Variants in RPP30 observed in about 807,000 individuals in gnomAD.
The protein encoded by RPP30 is ribonuclease P protein subunit p30.
Under a neutral mutation model 38.6 loss-of-function variants are expected in RPP30, and 36 were observed. That is an observed-to-expected ratio of 0.93 (90% confidence interval 0.71 to 1.23). The LOEUF (loss-of-function observed/expected upper bound fraction) is 1.23, where lower values mean the gene tolerates loss of function less well. Among genes scored for constraint, RPP30 ranks in the 50% most tolerant of loss-of-function variants. The pLI, the probability that RPP30 is intolerant of heterozygous loss-of-function variation, is 0.00. For synonymous variants in RPP30, 126 were observed against 112.7 expected (o/e 1.12, Z -0.75); for missense variants, 321 against 321.7 (o/e 1.00, Z 0.02).
intron 8 of RPP30, 105 bp from the exon 9 acceptor site, chr10:90,895,775 A>C: frequency 1.2e-6 from 1 of 838,570 alleles, no homozygotes; most frequent in Non-Finnish European, 1.8e-6. Flanking sequence ...AAATTTATGT[A>C]ATTTTTTTAT....
chr10:90,904,033 G>T (rs549131470), downstream of RPP30, among the ~76,000 whole-genome samples: 149 of 152,104 alleles, frequency 9.8e-4, no homozygotes, highest in African/African-American at 3.5e-3. Context: ...TTGTTTTCTT[G>T]TTTATGTATT....
downstream of RPP30, chr10:90,903,359 C>A: frequency 1.3e-6 from 1 of 775,784 alleles, no homozygotes; most frequent in South Asian, 1.7e-5. Context: ...GACGTCCCAC[C>A]TTAATTTATG....
Position 90,885,882 on chromosome 10 carries a change from A to G in RPP30, c.413A>G (p.Lys138Arg), listed in dbSNP as rs746630320. The G allele has an allele frequency of 8.7e-6, 14 of 1,602,458 alleles. No homozygotes were observed. The highest frequency in any genetic ancestry group is 3.3e-4 in the Middle Eastern group (2 of 6,062). ...ACAGAGAAACTACCATTTTACTTCA[A>G]AAGACCTCCTATTAATGTGGTAAGT... is the stretch of plus-strand genomic sequence containing the variant. ...TVTEKLPFYF[K>R]RPPINVAIDR... The change falls in exon 6 of 11, where the codon AAA becomes AGA. Residue 138 changes from lysine to arginine, a missense_variant. By Grantham distance (26) the Lys-to-Arg change is conservative. Transcript: ENST00000371703.
At chr10:90,884,200 A>AT (rs1235506475) in intron 5 of RPP30, among the ~76,000 whole-genome samples, 1 of 152,188 alleles carries the variant, frequency 6.6e-6, no homozygotes, top group Non-Finnish European at 1.5e-5. Context: ...TGTAGGGTAT[A>AT]TAGCTACGTA....
chr10:90,905,555 C>T (rs1168333212), downstream of RPP30: 2 of 152,214 alleles, frequency 1.3e-5, no homozygotes, highest in Non-Finnish European at 2.9e-5. Context: ...CTCAGTAAGT[C>T]ACTTACACAA....
chr10:90,901,140 ATTTTTTTT>A lies in RPP30; in HGVS notation c.*476_*483del, dbSNP rs59418716. On this transcript the variant is annotated 3_prime_UTR_variant, in exon 11 of 11. Transcript: ENST00000371703. ...CAGGTGTGCACTACCACACCTGGCT[ATTTTTTTT>A]TTTTTTTTTTTTTTCCCTTGTAGAG... is the stretch of plus-strand genomic sequence containing the variant. 7 of 120,134 alleles carry A rather than the reference ATTTTTTTT, an allele frequency of 5.8e-5. No homozygotes were observed. Among genetic ancestry groups the A allele is most frequent in the Non-Finnish European group, 7.6e-5 (5 of 65,494 alleles). 7.4% of individuals were successfully genotyped at this position (120,134 alleles called of 1,614,324 possible).
At chr10:90,884,660 ATC>A (rs1001751374) in intron 5 of RPP30, among the ~76,000 whole-genome samples, 21 of 152,194 alleles carry the variant, frequency 1.4e-4, no homozygotes, top group African/African-American at 4.8e-4. Context: ...CCAGCCTCTG[ATC>A]TCTACTTCCT....
chr10:90,901,497 C>G lies in RPP30; in HGVS notation c.*818C>G. On this transcript the variant is annotated 3_prime_UTR_variant, in exon 11 of 11. Coordinates refer to ENST00000371703, the MANE Select transcript of RPP30 (RefSeq NM_006413.5). ...ATACACATGTAAAATTACATCTGGTCTCTTCCTTCACTGCTTCATGCCTAC... is the reference window on the plus strand; with the variant it reads ...ATACACATGTAAAATTACATCTGGTGTCTTCCTTCACTGCTTCATGCCTAC... 1 of 985,000 alleles carries G rather than the reference C, an allele frequency of 1.0e-6. No individual in the cohort carries two copies. The highest frequency in any genetic ancestry group is 1.2e-6 in the Non-Finnish European group (1 of 829,538). The allele number at this position is 985,000 out of a possible 1,614,324, so 61.0% of individuals were successfully genotyped here. A position where few individuals can be genotyped will look rare whatever the true frequency, so the allele number is the denominator to read the frequency against.
In RPP30 at chr10:90,877,172, C is replaced by T. The variant is rs116282759; in HGVS notation, c.270+1074C>T. Among the ~76,000 whole-genome samples the T allele has an allele frequency of 8.8e-3, 1,342 of 152,134 alleles. 22 individuals carry two copies. The highest frequency in any genetic ancestry group is 0.031 in the African/African-American group (1,273 of 41,486). ...ACTAAAAACCCAAAAATTAGCAGGC[C>T]GTGCTGGCGGGTACCTGTAATCCCA... On this transcript the variant is annotated intron_variant, in intron 4 of 10. Transcript: ENST00000371703.
intron 6 of RPP30, among the ~76,000 whole-genome samples, chr10:90,890,835 C>T (rs1439224358): frequency 6.7e-6 from 1 of 150,010 alleles, no homozygotes; most frequent in Admixed American, 6.6e-5. Flanking sequence ...AAAAGATGAA[C>T]AATACCAAAA....
At chr10:90,889,428 G>C (rs1321324065) in intron 6 of RPP30, among the ~76,000 whole-genome samples, 1 of 148,994 alleles carries the variant, frequency 6.7e-6, no homozygotes, top group Non-Finnish European at 1.5e-5. Context: ...TCCTGTCTCA[G>C]CCTCCCAAGT....
intron 6 of RPP30, among the ~76,000 whole-genome samples, chr10:90,887,236 C>G (rs548698224): frequency 9.9e-5 from 15 of 151,940 alleles, no homozygotes; most frequent in African/African-American, 3.6e-4. Flanking sequence ...CCAAAGTGCT[C>G]AGCTTACAGG....
At chr10:90,896,506 C>T in intron 10 of RPP30, 114 bp downstream of exon 10, 1 of 765,350 alleles carries the variant, frequency 1.3e-6, no homozygotes, top group Non-Finnish European at 2.2e-6. Context: ...ATCATCTTTT[C>T]TCAACCTGTT....
intron 2 of RPP30, 117 bp from the exon 3 acceptor site, chr10:90,875,441 C>A: frequency 2.5e-6 from 2 of 784,336 alleles, no homozygotes; most frequent in Admixed American, 2.3e-5. Context: ...CAGAAATCAC[C>A]TTGCTTTCTT....
chr10:90,882,658 G>A (rs945568668), intron 5 of RPP30, among the ~76,000 whole-genome samples: 5 of 150,760 alleles, frequency 3.3e-5, no homozygotes, highest in South Asian at 2.1e-4. Flanking sequence ...GCAAGACTCC[G>A]TCTCAAAGAA....
chr10:90,889,712 G>A (rs1181962424), intron 6 of RPP30, among the ~76,000 whole-genome samples: 1 of 152,128 alleles, frequency 6.6e-6, no homozygotes, highest in Non-Finnish European at 1.5e-5. Context: ...CATCAGCTTG[G>A]AAGGTTGGGA....
intron 1 of RPP30, among the ~76,000 whole-genome samples, 184 bp from the exon 2 acceptor site, chr10:90,874,685 A>T (rs1415859102): frequency 6.6e-6 from 1 of 152,196 alleles, no homozygotes; most frequent in East Asian, 1.9e-4. Flanking sequence ...CTGAAACTTC[A>T]TGTTAAGTAA....
At chr10:90,874,844 A>G in intron 1 of RPP30, 25 bp from the exon 2 acceptor site, 1 of 1,564,022 alleles carries the variant, frequency 6.4e-7, no homozygotes. Flanking sequence ...ATATTTAACA[A>G]AAGTGTTCAA....
Position 90,889,715 on chromosome 10 carries a change from G to A in RPP30, c.432+3814G>A, listed in dbSNP as rs1472157112. Among the ~76,000 whole-genome samples, 5 of 152,180 alleles carry A rather than the reference G, an allele frequency of 3.3e-5. No individual in the cohort carries two copies. In the South Asian group the frequency reaches 6.2e-4, roughly 19 times the overall value. ...CCATGTGAGAATCATCAGCTTGGAA[G>A]GTTGGGATTGTGAAGGAGGGCCCAG... On this transcript the variant is annotated intron_variant, in intron 6 of 10. Coordinates refer to ENST00000371703, the MANE Select transcript of RPP30 (RefSeq NM_006413.5).
Sources: allele counts gnomAD v4.1 joint callset (sites outside exome capture counted in the v4.1 genomes callset), GRCh38; gene constraint gnomAD v4.1.1; transcripts MANE v1.5; gene names NCBI Gene and HGNC (gene_info 2026-07-23, HGNC 2026-07-21).